Variants in GALNT18 observed in about 807,000 individuals in gnomAD.
GALNT18 encodes the protein polypeptide N-acetylgalactosaminyltransferase 18.
A neutral mutation model predicts 69.5 loss-of-function variants in GALNT18; 44 were observed. The ratio of observed to expected loss-of-function variants is 0.63; its 90% CI spans 0.50 to 0.81. The LOEUF is 0.81. Among genes scored for constraint, GALNT18 ranks in the 40% least tolerant of loss-of-function variants. GALNT18 has a pLI of 0.00. For synonymous variants in GALNT18, 364 were observed against 318.2 expected, an observed-to-expected ratio of 1.14 and a Z score of -1.53; for missense variants, 715 against 810.0, an observed-to-expected ratio of 0.88 and a Z score of 1.42.
chr11:11,336,887 AAAG>A (rs1850123732), intron 7 of GALNT18, among the ~76,000 whole-genome samples: 1 of 152,200 alleles, frequency 6.6e-6, no homozygotes, highest in African/African-American at 2.4e-5. Flanking sequence ...TGAGGCACGG[AAAG>A]AAGAGAAAGT....
intron 2 of GALNT18, among the ~76,000 whole-genome samples, chr11:11,440,616 T>G (rs1855513705): frequency 6.6e-6 from 1 of 152,222 alleles, no homozygotes; most frequent in Non-Finnish European, 1.5e-5. Flanking sequence ...GGGACTTCTG[T>G]GTAACCTGTC....
In GALNT18 at chr11:11,294,670, T is replaced by C. The variant is rs570731582; in HGVS notation, c.1513-1477A>G. ...TTCATTAACACATCATTTACAAAAGTAGGAGTCTCCCATGGGCTGTAGTTT... is the reference window on the plus strand; with the variant it reads ...TTCATTAACACATCATTTACAAAAGCAGGAGTCTCCCATGGGCTGTAGTTT... On this transcript the variant is annotated intron_variant, in intron 9 of 10. Transcript: ENST00000227756. Among the ~76,000 whole-genome samples, 14 of 151,342 alleles carry C rather than the reference T, an allele frequency of 9.3e-5. No individual in the cohort carries two copies. The South Asian group carries it at 2.5e-3, about 27-fold the overall frequency.
intron 1 of GALNT18, among the ~76,000 whole-genome samples, chr11:11,451,251 C>A (rs1349251877): frequency 6.6e-6 from 1 of 152,076 alleles, no homozygotes; most frequent in Non-Finnish European, 1.5e-5. Flanking sequence ...AGATGTATGA[C>A]TCATTCGTTT....
chr11:11,581,630 T>C (rs1859088804), intron 1 of GALNT18, among the ~76,000 whole-genome samples: 4 of 152,028 alleles, frequency 2.6e-5, no homozygotes, highest in African/African-American at 4.8e-5. Context: ...CAGCTTGTTA[T>C]TAATTCAACA....
intron 9 of GALNT18, among the ~76,000 whole-genome samples, chr11:11,325,983 T>C (rs909529537): frequency 6.6e-6 from 1 of 152,168 alleles, no homozygotes; most frequent in East Asian, 1.9e-4. Flanking sequence ...GCAATAGCTC[T>C]TTTAAACCCT....
intron 1 of GALNT18, among the ~76,000 whole-genome samples, chr11:11,565,596 G>A (rs980472472): frequency 3.9e-5 from 6 of 152,202 alleles, no homozygotes; most frequent in Non-Finnish European, 7.3e-5. Flanking sequence ...CTGCACCATG[G>A]AGGAATCCAT....
At position 11,494,221 on chromosome 11, in the gene GALNT18, G is replaced by A. The variant is rs1041251788; in HGVS notation, c.236-45285C>T. 2.6e-5 allele frequency among the ~76,000 whole-genome samples: 4 copies of A among 152,150 alleles called. No homozygotes were observed. The highest frequency in any genetic ancestry group is 9.7e-5 in the African/African-American group (4 of 41,430). ...TCCCAGGAGTAGGAGCTAAACACAG[G>A]AGGATGAATTCAAGTCTCCAGCAGA... On this transcript the variant is annotated intron_variant, in intron 1 of 10. Transcript: ENST00000227756. This position sits in a 1 kb window ranked among gnomAD's most constrained non-coding sequence, Gnocchi z 5.7.
At chr11:11,453,836 CCTT>C (rs1168187673) in intron 1 of GALNT18, among the ~76,000 whole-genome samples, 2 of 152,314 alleles carry the variant, frequency 1.3e-5, no homozygotes, top group East Asian at 3.9e-4. Flanking sequence ...GTCCATTAAG[CCTT>C]CTTTTCTTTA....
intron 1 of GALNT18, among the ~76,000 whole-genome samples, chr11:11,490,352 C>T (rs1484631481): frequency 6.6e-6 from 1 of 151,954 alleles, no homozygotes; most frequent in African/African-American, 2.4e-5. Context: ...GCCTTCAGAA[C>T]TATGAGCCAA....
chr11:11,552,771 C>A (rs1858229966), intron 1 of GALNT18, among the ~76,000 whole-genome samples: 1 of 152,188 alleles, frequency 6.6e-6, no homozygotes, highest in Admixed American at 6.5e-5. Context: ...GAGGCTAAAT[C>A]CAGCATTCTA....
chr11:11,288,608 G>C (rs1400865870), intron 10 of GALNT18, among the ~76,000 whole-genome samples: 1 of 152,094 alleles, frequency 6.6e-6, no homozygotes, highest in East Asian at 1.9e-4. Context: ...AATGTTTGAT[G>C]AACGACTAAA....
intron 1 of GALNT18, among the ~76,000 whole-genome samples, chr11:11,502,207 T>C (rs568135595): frequency 6.6e-5 from 10 of 152,290 alleles, no homozygotes; most frequent in African/African-American, 2.4e-4. Context: ...TAAGGCGAAG[T>C]GAGGCTTGCA....
rs370890615 is a variant in GALNT18 at position 11,334,400 on chromosome 11, G to A, written c.1279-1569C>T. Among the ~76,000 whole-genome samples the A allele has an allele frequency of 1.2e-4, 18 of 152,072 alleles. 1 individual carries two copies. The East Asian group carries it at 2.5e-3, about 21-fold the overall frequency. On this transcript the variant is annotated intron_variant, in intron 7 of 10. Transcript: ENST00000227756. ...TACTAAAAATACAAAAAAATTAGCC[G>A]GGCATGGTGGCGGGCGCCTGTAGTC... is the stretch of plus-strand genomic sequence containing the variant.
rs75627298 is a variant in GALNT18, at chr11:11,384,624, C to T, written c.596-5360G>A. On this transcript the variant is annotated intron_variant, in intron 3 of 10. Transcript: ENST00000227756. ...GCAGCCCTCATAAATGGGATTAGTG[C>T]ACTTATAAAAGGGGCTCCAGAGAGT... is the stretch of plus-strand genomic sequence containing the variant. 7.8e-3 allele frequency among the ~76,000 whole-genome samples: 1,183 copies of T among 152,246 alleles called. 17 individuals carry two copies. The highest frequency in any genetic ancestry group is 0.026 in the African/African-American group (1,099 of 41,526).
chr11:11,609,723 A>G (rs1229439000), intron 1 of GALNT18, among the ~76,000 whole-genome samples: 1 of 152,190 alleles, frequency 6.6e-6, no homozygotes, highest in Non-Finnish European at 1.5e-5. Context: ...CCACACCACA[A>G]TAAACAATGC....
chr11:11,308,454 C>T (rs1827922208), intron 9 of GALNT18, among the ~76,000 whole-genome samples: 1 of 152,162 alleles, frequency 6.6e-6, no homozygotes, highest in South Asian at 2.1e-4. Context: ...TGCCCTCCCT[C>T]CTAAGCCTTC....
rs1346081573 is a variant in GALNT18, at chr11:11,586,724, A to G, written c.235+34635T>C. Among the ~76,000 whole-genome samples the G allele has an allele frequency of 6.6e-6, 1 of 152,212 alleles. No homozygotes were observed. The highest frequency in any genetic ancestry group is 2.4e-5 in the African/African-American group (1 of 41,444). ...CTTGGTAGCTCATGCCTGTAATCAC[A>G]GCCCTTTGGGACGCCGAGGCGGGCA... On this transcript the variant is annotated intron_variant, in intron 1 of 10. Coordinates refer to ENST00000227756, the MANE Select transcript of GALNT18 (RefSeq NM_198516.3). This position sits in a 1 kb window ranked among gnomAD's most constrained non-coding sequence, Gnocchi z 4.1.
Position 11,463,344 on chromosome 11 carries a change from G to A in GALNT18, c.236-14408C>T, listed in dbSNP as rs1433396545. ...CTTATAGCAAGAGCATTAAAAATGTGTCATTTCAAAGATGAGAAAAGAACA... is the reference window on the plus strand; with the variant it reads ...CTTATAGCAAGAGCATTAAAAATGTATCATTTCAAAGATGAGAAAAGAACA... On this transcript the variant is annotated intron_variant, in intron 1 of 10. Coordinates refer to ENST00000227756, the MANE Select transcript of GALNT18 (RefSeq NM_198516.3). The surrounding 1 kb of genome is among the most constrained non-coding windows in gnomAD (Gnocchi z 4.2). Among the ~76,000 whole-genome samples, 1 of 152,150 alleles carries A rather than the reference G, an allele frequency of 6.6e-6. No individual in the cohort carries two copies. Among genetic ancestry groups the A allele is most frequent in the African/African-American group, 2.4e-5 (1 of 41,408 alleles).
At chr11:11,477,081 G>A (rs538762301) in intron 1 of GALNT18, among the ~76,000 whole-genome samples, 1 of 152,294 alleles carries the variant, frequency 6.6e-6, no homozygotes, top group Non-Finnish European at 1.5e-5. Context: ...ATAGATTTGG[G>A]TTCCCTGAAG....
Sources: gnomAD v4.1 joint callset for allele counts (sites outside exome capture counted in the v4.1 genomes callset) on GRCh38, gnomAD v4.1.1 for gene constraint, Gnocchi (gnomAD v3.1) non-coding constraint, MANE v1.5 for transcripts, NCBI Gene and HGNC (gene_info 2026-07-23, HGNC 2026-07-21) for gene names.